Variants in KNDC1 observed in about 807,000 individuals in gnomAD.
KNDC1 encodes kinase non-catalytic C-lobe domain containing 1.
A neutral mutation model predicts 172.8 loss-of-function variants in KNDC1; 106 were observed. The observed-to-expected ratio is 0.61, with a 90% CI of 0.52 to 0.72. The LOEUF is 0.72. KNDC1 is among the 30% of genes least tolerant of loss of function. The pLI is 0.00. For missense variants in KNDC1, 2,325 were observed against 2,394.5 expected (o/e 0.97, Z 0.61); for synonymous variants, 1,083 against 1,062.2 (o/e 1.02, Z -0.38).
chr10:133,161,929 C>T (rs1852986142), intron 1 of KNDC1, among the ~76,000 whole-genome samples: 1 of 152,206 alleles, frequency 6.6e-6, no homozygotes, highest in African/African-American at 2.4e-5. Flanking sequence ...CCGCGCCAGG[C>T]GCGAGCCCAC....
intron 6 of KNDC1, among the ~76,000 whole-genome samples, chr10:133,186,975 GA>G (rs1490221940): frequency 6.6e-6 from 1 of 152,160 alleles, no homozygotes; most frequent in Non-Finnish European, 1.5e-5. Flanking sequence ...CGTCCCGAGG[GA>G]TTAATTTTCT....
In KNDC1 at chr10:133,219,951, C is replaced by T; in HGVS notation, c.4861-4C>T. Reference sequence around the variant, plus strand: ...CCCGGCCCACGCCCCGGCTGGACCACCAGGTCTTCCTGAAGAGCGACAGCC... The same window carrying T: ...CCCGGCCCACGCCCCGGCTGGACCATCAGGTCTTCCTGAAGAGCGACAGCC... On this transcript the variant is annotated splice_polypyrimidine_tract_variant and splice_region_variant and intron_variant, in intron 28 of 29. Coordinates refer to ENST00000304613, the MANE Select transcript of KNDC1 (RefSeq NM_152643.8). 1 of 1,549,322 alleles carries T rather than the reference C, an allele frequency of 6.5e-7. No homozygotes were observed. The highest frequency in any genetic ancestry group is 8.7e-7 in the Non-Finnish European group (1 of 1,145,902).
At chr10:133,222,552 A>C (rs1433272813) in intron 29 of KNDC1, among the ~76,000 whole-genome samples, 1 of 31,880 alleles carries the variant, frequency 3.1e-5, no homozygotes, top group African/African-American at 9.3e-5. Flanking sequence ...TGTGTGTGAG[A>C]GCCCATCCAG....
At position 133,225,916 on chromosome 10, in the gene KNDC1, A is replaced by G. The variant is rs1321952115; in HGVS notation, c.*1026A>G. The G allele has an allele frequency of 6.6e-6, 1 of 152,192 alleles. No homozygotes were observed. Among genetic ancestry groups the G allele is most frequent in the Non-Finnish European group, 1.5e-5 (1 of 68,054 alleles). 9.4% of individuals were successfully genotyped at this position (152,192 alleles called of 1,614,324 possible). On this transcript the variant is annotated 3_prime_UTR_variant, in exon 30 of 30. Transcript: ENST00000304613. ...GGGAGTCCCGCGCAGTCAGCTCCAC[A>G]TTGGCCTCTGCAGCTGGGTGACCAG...
intron 15 of KNDC1, among the ~76,000 whole-genome samples, chr10:133,199,902 C>T (rs1402853916): frequency 6.6e-6 from 1 of 152,126 alleles, no homozygotes; most frequent in Non-Finnish European, 1.5e-5. Flanking sequence ...GCAGTGATGG[C>T]CACAGGGCTC....
At position 133,191,584 on chromosome 10, in the gene KNDC1, C is replaced by A. The variant is rs570486973; in HGVS notation, c.1575+1771C>A. Among the ~76,000 whole-genome samples the A allele has an allele frequency of 5.3e-5, 8 of 152,214 alleles. No homozygotes were observed. The South Asian group carries it at 1.7e-3, about 32-fold the overall frequency. Reference sequence around the variant, plus strand: ...GGGTGGTGGTGTGCACCTATAATCCCAGCTACTTGGGAGGCTGAAGCAGGA... The same window carrying A: ...GGGTGGTGGTGTGCACCTATAATCCAAGCTACTTGGGAGGCTGAAGCAGGA... On this transcript the variant is annotated intron_variant, in intron 9 of 29. Transcript: ENST00000304613.
At chr10:133,219,514 C>T (rs1589777440) in intron 28 of KNDC1, among the ~76,000 whole-genome samples, 1 of 152,196 alleles carries the variant, frequency 6.6e-6, no homozygotes, top group African/African-American at 2.4e-5. Flanking sequence ...AGCCTGTCCC[C>T]GTCTTGGGTC....
Position 133,201,540 on chromosome 10 carries a change from C to A in KNDC1, c.3029C>A (p.Ala1010Asp). Residue 1010 changes from alanine (A) to aspartate (D), a missense_variant, in exon 17 of 30, where the codon GCC becomes GAC. Transcript: ENST00000304613. ...GCCATGGCCAGGACCAGCAGCAGGGCCCCCTGCTCACCCACCTCGGTGTCG... is the reference window on the plus strand; with the variant it reads ...GCCATGGCCAGGACCAGCAGCAGGGACCCCTGCTCACCCACCTCGGTGTCG... ...KPAMARTSSRAPCSPTSVSDV... is the reference protein window; with the variant it reads ...KPAMARTSSRDPCSPTSVSDV... The A allele has an allele frequency of 6.2e-7, 1 of 1,609,838 alleles. No homozygotes were observed. The highest frequency in any genetic ancestry group is 8.5e-7 in the Non-Finnish European group (1 of 1,178,820).
chr10:133,167,516 A>C lies in KNDC1; in HGVS notation c.238A>C (p.Ile80Leu), dbSNP rs1162779819. 1.9e-6 allele frequency: 3 copies of C among 1,605,082 alleles called. No homozygotes were observed. The highest frequency in any genetic ancestry group is 2.6e-6 in the Non-Finnish European group (3 of 1,176,458). ...AHAAIFQSLCITPDTLAFNTS... is the reference protein window; with the variant it reads ...AHAAIFQSLCLTPDTLAFNTS... Reference sequence around the variant, plus strand: ...CGCCGCCATCTTCCAGAGCCTGTGCATCACGCCCGACACCCTGGCCTTCAA... The same window carrying C: ...CGCCGCCATCTTCCAGAGCCTGTGCCTCACGCCCGACACCCTGGCCTTCAA... The change falls in exon 2 of 30, where the codon ATC becomes CTC. Residue 80 changes from isoleucine (I) to leucine (L), a missense_variant. Physicochemically the swap from Ile to Leu is conservative, Grantham distance 5 (BLOSUM62 2). Coordinates refer to ENST00000304613, the MANE Select transcript of KNDC1 (RefSeq NM_152643.8).
At position 133,226,098 on chromosome 10, in the gene KNDC1, A is replaced by G. The variant is rs1429277890; in HGVS notation, c.*1208A>G. The G allele has an allele frequency of 1.3e-5, 2 of 152,212 alleles. No individual in the cohort carries two copies. Among genetic ancestry groups the G allele is most frequent in the Non-Finnish European group, 2.9e-5 (2 of 68,042 alleles). 9.4% of individuals were successfully genotyped at this position (152,212 alleles called of 1,614,324 possible). ...ACCTGTGACAAATCGCTGCATTTTT[A>G]ATGTCAAGATGTGTTTTCCCACATA... On this transcript the variant is annotated 3_prime_UTR_variant, in exon 30 of 30. Coordinates refer to ENST00000304613, the MANE Select transcript of KNDC1 (RefSeq NM_152643.8).
In KNDC1 at chr10:133,219,941, G is replaced by C. The variant is rs750244135; in HGVS notation, c.4861-14G>C. ...CCTGTCTCTCCCCGGCCCACGCCCC[G>C]GCTGGACCACCAGGTCTTCCTGAAG... On this transcript the variant is annotated splice_polypyrimidine_tract_variant and intron_variant, in intron 28 of 29. Coordinates refer to ENST00000304613, the MANE Select transcript of KNDC1 (RefSeq NM_152643.8). 1.1e-5 allele frequency: 17 copies of C among 1,546,956 alleles called. No individual in the cohort carries two copies. Among genetic ancestry groups the C allele is most frequent in the Admixed American group, 2.0e-5 (1 of 50,850 alleles).
intron 11 of KNDC1, 83 bp downstream of exon 11, chr10:133,197,218 C>A: frequency 2.8e-6 from 3 of 1,077,218 alleles, no homozygotes; most frequent in Non-Finnish European, 4.2e-6. Flanking sequence ...TGCCTGGCCG[C>A]TCCCGGCAGC....
intron 3 of KNDC1, among the ~76,000 whole-genome samples, chr10:133,177,770 TATG>T (rs1318302794): frequency 1.3e-5 from 2 of 151,832 alleles, no homozygotes; most frequent in East Asian, 1.9e-4. Context: ...ATGTGTGTGG[TATG>T]GTGTGTGTAG....
At chr10:133,218,422 G>A (rs531415247) in intron 26 of KNDC1, among the ~76,000 whole-genome samples, 16 of 152,346 alleles carry the variant, frequency 1.1e-4, no homozygotes, top group South Asian at 2.1e-4. Flanking sequence ...TTGGCGCAGC[G>A]GGTTGGGGGG....
rs1008460688 is a variant in KNDC1 at position 133,163,626 on chromosome 10, A to G, written c.102+3057A>G. Among the ~76,000 whole-genome samples the G allele has an allele frequency of 2.6e-5, 4 of 152,156 alleles. No homozygotes were observed. Among genetic ancestry groups the G allele is most frequent in the African/African-American group, 4.8e-5 (2 of 41,410 alleles). On this transcript the variant is annotated intron_variant, in intron 1 of 29. Coordinates refer to ENST00000304613, the MANE Select transcript of KNDC1 (RefSeq NM_152643.8). This position sits in a 1 kb window ranked among gnomAD's most constrained non-coding sequence, Gnocchi z 4.4. ...TAGAATCCCACGGCTGAAAAAAATC[A>G]GTTGGTCATAAGACAGTGTATTTCA... is the stretch of plus-strand genomic sequence containing the variant.
At position 133,209,037 on chromosome 10, in the gene KNDC1, C is replaced by T. The variant is rs985174690; in HGVS notation, c.3795-1574C>T. 7.0e-6 allele frequency among the ~76,000 whole-genome samples: 1 copy of T among 142,030 alleles called. No individual in the cohort carries two copies. The highest frequency in any genetic ancestry group is 2.7e-5 in the African/African-American group (1 of 37,474). 93.2% of individuals were successfully genotyped at this position (142,030 alleles called of 152,430 possible). ...TCGTGTGGTGTAGTAGGTACGTGTG[C>T]GGTTGTGAGGTATAGTGTGATGTGT... On this transcript the variant is annotated intron_variant, in intron 20 of 29. Coordinates refer to ENST00000304613, the MANE Select transcript of KNDC1 (RefSeq NM_152643.8). The surrounding 1 kb of genome is among the most constrained non-coding windows in gnomAD (Gnocchi z 4.9).
chr10:133,203,010 G>A (rs1431474234), intron 17 of KNDC1, among the ~76,000 whole-genome samples: 2 of 151,286 alleles, frequency 1.3e-5, no homozygotes, highest in Non-Finnish European at 2.9e-5. Flanking sequence ...GCGTCCAGCC[G>A]GGAGCACTCC....
rs1845219626 is a variant in KNDC1 at position 133,207,137 on chromosome 10, G to T, written c.3580G>T (p.Val1194Phe). 1 of 1,584,486 alleles carries T rather than the reference G, an allele frequency of 6.3e-7. No homozygotes were observed. Among genetic ancestry groups the T allele is most frequent in the Admixed American group, 1.8e-5 (1 of 54,552 alleles). ...AAGCGCCCGTGTCCCGCTCCGGCAG[G>T]TCATGTACGCGGAACGCTGGGGCCT... is the stretch of plus-strand genomic sequence containing the variant. ...FLSLVKKYLQ[V>F]MYAERWGLEP... is the part of the protein sequence containing the mutation. The change falls in exon 20 of 30, where the codon GTC (valine) becomes TTC (phenylalanine). Residue 1194 changes from valine (V) to phenylalanine (F), a missense_variant and splice_region_variant. Transcript: ENST00000304613.
chr10:133,219,936 G>GC lies in KNDC1; in HGVS notation c.4861-15dup, dbSNP rs1564902246. On this transcript the variant is annotated intron_variant, in intron 28 of 29. Transcript: ENST00000304613. ...CACGCCCTGTCTCTCCCCGGCCCACGCCCCGGCTGGACCACCAGGTCTTCC... is the reference window on the plus strand; with the variant it reads ...CACGCCCTGTCTCTCCCCGGCCCACGCCCCCGGCTGGACCACCAGGTCTTCC... 3 of 1,545,412 alleles carry GC rather than the reference G, an allele frequency of 1.9e-6. No homozygotes were observed. Among genetic ancestry groups the GC allele is most frequent in the Non-Finnish European group, 2.6e-6 (3 of 1,143,602 alleles).
Sources: gnomAD v4.1 joint callset for allele counts (sites outside exome capture counted in the v4.1 genomes callset) on GRCh38, gnomAD v4.1.1 for gene constraint, Gnocchi (gnomAD v3.1) non-coding constraint, MANE v1.5 for transcripts, NCBI Gene and HGNC (gene_info 2026-07-23, HGNC 2026-07-21) for gene names.